Variants in SLCO3A1 observed in about 807,000 individuals in gnomAD.
SLCO3A1 encodes PGE1 transporter.
SLCO3A1 carries 27 observed loss-of-function variants against 63.1 expected under a neutral mutation model. The observed-to-expected ratio is 0.43, with a 90% CI of 0.32 to 0.59. SLCO3A1 has a LOEUF of 0.59. Ranked by LOEUF, SLCO3A1 falls within the 20% of genes least tolerant of loss-of-function variation. SLCO3A1 has a pLI of 0.09. For missense variants in SLCO3A1, 773 were observed against 945.8 expected (o/e 0.82, Z 2.40); for synonymous variants, 473 against 409.9 (o/e 1.15, Z -1.86).
At chr15:91,979,294 T>TA (rs1399703137) in intron 2 of SLCO3A1, among the ~76,000 whole-genome samples, 1 of 152,218 alleles carries the variant, frequency 6.6e-6, no homozygotes, top group Non-Finnish European at 1.5e-5. Flanking sequence ...ATATACACCT[T>TA]ATGCACATAG....
chr15:92,077,752 G>A (rs953716047), intron 2 of SLCO3A1, among the ~76,000 whole-genome samples: 16 of 152,328 alleles, frequency 1.1e-4, no homozygotes, highest in African/African-American at 3.1e-4. Context: ...ATGGCTCTGA[G>A]CAGGTTCTTC....
chr15:92,107,270 A>G (rs2047677959), intron 4 of SLCO3A1, among the ~76,000 whole-genome samples: 1 of 152,248 alleles, frequency 6.6e-6, no homozygotes, highest in Non-Finnish European at 1.5e-5. Flanking sequence ...GGAAAAGAAG[A>G]AAGTGTTTCT....
intron 2 of SLCO3A1, among the ~76,000 whole-genome samples, chr15:92,078,476 C>T (rs2047305647): frequency 6.6e-6 from 1 of 152,220 alleles, no homozygotes; most frequent in South Asian, 2.1e-4. Context: ...CCTCCGCGGG[C>T]AGCTGCAGCC....
At chr15:92,119,659 G>A (rs2047837649) in intron 4 of SLCO3A1, among the ~76,000 whole-genome samples, 5 of 152,202 alleles carry the variant, frequency 3.3e-5, no homozygotes, top group Admixed American at 3.3e-4. Flanking sequence ...ACTGGAGGGT[G>A]GGAAGAGGAG....
intron 1 of SLCO3A1, among the ~76,000 whole-genome samples, chr15:91,880,098 T>TATCCGTCCGTCCGTCCGTCCGTCCGTCC (rs1555446359): frequency 3.1e-5 from 3 of 97,794 alleles, no homozygotes; most frequent in Non-Finnish European, 4.3e-5. Flanking sequence ...CTTGTATGTG[T>TATCCGTCCGTCCGTCCGTCCGTCCGTCC]GTCCGTCCGT....
At chr15:91,960,485 T>C (rs547127061) in intron 2 of SLCO3A1, among the ~76,000 whole-genome samples, 151 of 152,326 alleles carry the variant, frequency 9.9e-4, no homozygotes, top group Non-Finnish European at 1.3e-3. Flanking sequence ...AACCTCTTAT[T>C]GGATACATCC....
intron 2 of SLCO3A1, among the ~76,000 whole-genome samples, chr15:92,025,264 A>G (rs1021019080): frequency 1.3e-5 from 2 of 151,882 alleles, no homozygotes; most frequent in Non-Finnish European, 2.9e-5. Context: ...TTTAAATTCA[A>G]GAAGCCAAGA....
intron 2 of SLCO3A1, among the ~76,000 whole-genome samples, chr15:92,089,966 C>T (rs1214092018): frequency 6.6e-6 from 1 of 152,138 alleles, no homozygotes; most frequent in Non-Finnish European, 1.5e-5. Context: ...TAGGCTCATA[C>T]TGCTTAGTAA....
chr15:92,155,093 T>G (rs1320021655), intron 9 of SLCO3A1: 1 of 152,180 alleles, frequency 6.6e-6, no homozygotes, highest in African/African-American at 2.4e-5. Flanking sequence ...AGGAAGACAC[T>G]GAGCTGGAGA....
rs71464533 is a variant in SLCO3A1, at chr15:91,880,381, TTCTC to T, written c.180+26319_180+26322del. Reference sequence around the variant, plus strand: ...TCCTCAGTTTTACCGGCACTCGTGCTTCTCTCTCTCTCTCTCTCTCTCTCTCTCT... The same window carrying T: ...TCCTCAGTTTTACCGGCACTCGTGCTTCTCTCTCTCTCTCTCTCTCTCTCT... On this transcript the variant is annotated intron_variant, in intron 1 of 9. Transcript: ENST00000318445. 1.5e-3 allele frequency among the ~76,000 whole-genome samples: 184 copies of T among 121,708 alleles called. 3 individuals carry two copies. The highest frequency in any genetic ancestry group is 4.4e-3 in the African/African-American group (134 of 30,220). The allele number at this position is 121,708 out of a possible 152,430, so 79.8% of individuals were successfully genotyped here. A position where few individuals can be genotyped will look rare whatever the true frequency, so the allele number is the denominator to read the frequency against.
At chr15:91,940,307 A>G (rs1011103283) in intron 2 of SLCO3A1, among the ~76,000 whole-genome samples, 3 of 152,042 alleles carry the variant, frequency 2.0e-5, no homozygotes, top group African/African-American at 4.8e-5. Flanking sequence ...ATAGATGACA[A>G]TGTTTGCCAA....
chr15:91,947,941 G>A (rs773633760), intron 2 of SLCO3A1, among the ~76,000 whole-genome samples: 1 of 152,180 alleles, frequency 6.6e-6, no homozygotes, highest in Admixed American at 6.5e-5. Context: ...GCAGGTGACC[G>A]AAAGTGACTG....
In SLCO3A1 at chr15:92,164,306, T is replaced by C. The variant is rs1038315785; in HGVS notation, c.*1171T>C. On this transcript the variant is annotated 3_prime_UTR_variant, in exon 10 of 10. Coordinates refer to ENST00000318445, the MANE Select transcript of SLCO3A1 (RefSeq NM_013272.4). ...ACAAAAACAAGAATATACAATGTGT[T>C]ACAAGAAGAAAAAAAAATGCTTCAA... is the stretch of plus-strand genomic sequence containing the variant. 5 of 984,776 alleles carry C rather than the reference T, an allele frequency of 5.1e-6. No individual in the cohort carries two copies. Among genetic ancestry groups the C allele is most frequent in the Admixed American group, 6.1e-5 (1 of 16,264 alleles). 61.0% of individuals were successfully genotyped at this position (984,776 alleles called of 1,614,324 possible). A position where few individuals can be genotyped will look rare whatever the true frequency, so the allele number is the denominator to read the frequency against.
At chr15:91,969,202 C>A (rs1179252564) in intron 2 of SLCO3A1, among the ~76,000 whole-genome samples, 1 of 152,104 alleles carries the variant, frequency 6.6e-6, no homozygotes, top group African/African-American at 2.4e-5. Flanking sequence ...GTGAATAAAT[C>A]ATTTTTTGGG....
intron 2 of SLCO3A1, among the ~76,000 whole-genome samples, chr15:92,025,384 AT>A (rs2151475159): frequency 6.6e-6 from 1 of 152,290 alleles, no homozygotes; most frequent in African/African-American, 2.4e-5. Context: ...AGAGAAATGT[AT>A]GGGGGACACC....
chr15:91,896,838 G>A (rs1898016950), intron 1 of SLCO3A1, among the ~76,000 whole-genome samples: 1 of 152,214 alleles, frequency 6.6e-6, no homozygotes, highest in African/African-American at 2.4e-5. Flanking sequence ...TCTTATGTAA[G>A]ATGTTTATCA....
At chr15:91,965,789 C>T (rs1900637645) in intron 2 of SLCO3A1, among the ~76,000 whole-genome samples, 1 of 151,752 alleles carries the variant, frequency 6.6e-6, no homozygotes, top group Admixed American at 6.6e-5. Context: ...TGGGTGTGCA[C>T]ACCTGCTCTA....
In SLCO3A1 at chr15:91,889,307, T is replaced by C. The variant is rs186574267; in HGVS notation, c.181-26686T>C. 823 of 465,210 alleles carry C rather than the reference T, an allele frequency of 1.8e-3. 5 individuals carry two copies. Among genetic ancestry groups the C allele is most frequent in the Non-Finnish European group, 1.8e-3 (432 of 241,074 alleles). The allele number at this position is 465,210 out of a possible 1,614,324, so 28.8% of individuals were successfully genotyped here. On this transcript the variant is annotated intron_variant, in intron 1 of 9. Coordinates refer to ENST00000318445, the MANE Select transcript of SLCO3A1 (RefSeq NM_013272.4). ...GGGCTTCATAGCACCTGTAGGCCTC[T>C]GCTATCTCCCCTAAGGCTGTTACTC...
intron 2 of SLCO3A1, among the ~76,000 whole-genome samples, chr15:92,026,186 C>T (rs78340394): frequency 0.016 from 2,372 of 152,118 alleles, 56 homozygotes; most frequent in African/African-American, 0.053. Flanking sequence ...CCTTAACTGT[C>T]GTTAGGAAAG....
Sources: allele counts gnomAD v4.1 joint callset (sites outside exome capture counted in the v4.1 genomes callset), GRCh38; gene constraint gnomAD v4.1.1; transcripts MANE v1.5; gene names NCBI Gene and HGNC (gene_info 2026-07-23, HGNC 2026-07-21).